Variants in LAMC3 observed in about 807,000 individuals in gnomAD.
The protein encoded by LAMC3 is laminin subunit gamma 3.
In LAMC3, 128 loss-of-function variants were observed where a neutral mutation model predicts 173.8. That is an observed-to-expected ratio of 0.74 (90% CI 0.64 to 0.85). LAMC3 has a LOEUF of 0.85. Ranked by LOEUF, LAMC3 falls within the 40% of genes least tolerant of loss-of-function variation. The pLI, the probability that LAMC3 is intolerant of heterozygous loss-of-function variation, is 0.00. For missense variants in LAMC3, 2,022 were observed against 2,156.0 expected, an observed-to-expected ratio of 0.94 and a Z score of 1.23; for synonymous variants, 897 against 909.1, an observed-to-expected ratio of 0.99 and a Z score of 0.24.
intron 25 of LAMC3, chr9:131,085,932 A>T (rs1830324853): frequency 1.6e-6 from 1 of 634,150 alleles, no homozygotes; most frequent in Non-Finnish European, 2.9e-6. Flanking sequence ...ACAGGTGAGA[A>T]TGCTGAGGTG....
chr9:131,085,397 T>G, intron 24 of LAMC3, 127 bp from the exon 25 acceptor site: 1 of 887,360 alleles, frequency 1.1e-6, no homozygotes. Flanking sequence ...GCACGTTGCA[T>G]GCACTTCAGA....
chr9:131,038,821 C>T (rs1289024116), intron 4 of LAMC3, 43 bp from the exon 5 acceptor site: 5 of 1,596,478 alleles, frequency 3.1e-6, no homozygotes, highest in Non-Finnish European at 4.3e-6. Flanking sequence ...CCTCCTACCA[C>T]ATCACAGGGG....
At chr9:131,077,148 A>C (rs1323511845) in intron 21 of LAMC3, 39 bp from the exon 22 acceptor site, 1 of 1,610,976 alleles carries the variant, frequency 6.2e-7, no homozygotes, top group Admixed American at 1.7e-5. Context: ...GGGGAGGGCT[A>C]GTTCTGCACC....
At chr9:131,089,970 GT>G (rs11351884) in intron 27 of LAMC3, among the ~76,000 whole-genome samples, 90,840 of 151,700 alleles carry the variant, frequency 0.6, 28,256 homozygotes, top group African/African-American at 0.77. Flanking sequence ...ATTTATTTTT[GT>G]TTTTTTGTAG....
intron 8 of LAMC3, among the ~76,000 whole-genome samples, chr9:131,048,390 T>A (rs1834216565): frequency 1.3e-5 from 2 of 152,064 alleles, no homozygotes; most frequent in Non-Finnish European, 2.9e-5. Context: ...TCTGCAAACT[T>A]CTCTTCATGT....
rs1834136562 is a variant in LAMC3 at position 131,045,434 on chromosome 9, ACT to A, written c.1383-86_1383-85del. The A allele has an allele frequency of 3.5e-6, 5 of 1,441,192 alleles. No individual in the cohort carries two copies. The African/African-American group carries it at 4.2e-5, about 12-fold the overall frequency. 89.3% of individuals were successfully genotyped at this position (1,441,192 alleles called of 1,614,324 possible). A position where few individuals can be genotyped will look rare whatever the true frequency, so the allele number is the denominator to read the frequency against. ...TTTTAAGTTTCTGCAGTGATTCTAG[ACT>A]CTCATTGGTCCAGCTGGGATACCCT... On this transcript the variant is annotated intron_variant, in intron 7 of 27. Transcript: ENST00000361069.
At chr9:131,014,622 T>G (rs1231789939) in intron 1 of LAMC3, among the ~76,000 whole-genome samples, 1 of 152,202 alleles carries the variant, frequency 6.6e-6, no homozygotes, top group Non-Finnish European at 1.5e-5. Flanking sequence ...AGCCTGCATT[T>G]GCCCACTGCA....
chr9:131,064,392 A>G (rs1395557259), intron 13 of LAMC3, among the ~76,000 whole-genome samples: 4 of 152,356 alleles, frequency 2.6e-5, no homozygotes, highest in African/African-American at 2.4e-5. Context: ...GGCCGGGCAC[A>G]GTGGCTCACG....
At chr9:131,076,241 C>T (rs1830123481) in intron 21 of LAMC3, among the ~76,000 whole-genome samples, 1 of 152,150 alleles carries the variant, frequency 6.6e-6, no homozygotes, top group East Asian at 1.9e-4. Flanking sequence ...AGATCCCTTG[C>T]TCTCCTTCTG....
In LAMC3 at chr9:131,087,544, G is replaced by A. The variant is rs985678555; in HGVS notation, c.4299G>A (p.Thr1433=). 6.8e-6 allele frequency: 11 copies of A among 1,613,844 alleles called. No individual in the cohort carries two copies. Among genetic ancestry groups the A allele is most frequent in the East Asian group, 2.2e-5 (1 of 44,890 alleles). ...GTGCCAGCAGGCTCACCAGCCAGAC[G>A]CAAGCCACGCTCCAACAGGCGTCCC... ...HRRASRLTSQ[T]QATLQQASQQ... Residue 1433 remains threonine (T), a synonymous_variant, in exon 26 of 28, where the codon ACG becomes ACA. Coordinates refer to ENST00000361069, the MANE Select transcript of LAMC3 (RefSeq NM_006059.4).
chr9:131,053,675 A>G (rs964853754), intron 11 of LAMC3, among the ~76,000 whole-genome samples: 1 of 152,200 alleles, frequency 6.6e-6, no homozygotes, highest in East Asian at 1.9e-4. Flanking sequence ...TCTACTAAAA[A>G]TACAAAAATT....
intron 24 of LAMC3, among the ~76,000 whole-genome samples, chr9:131,083,168 C>T (rs1263707096): frequency 6.6e-6 from 1 of 152,228 alleles, no homozygotes; most frequent in African/African-American, 2.4e-5. Context: ...AAATCTCACA[C>T]CTGGCAGTGG....
intron 1 of LAMC3, among the ~76,000 whole-genome samples, chr9:131,024,273 G>A (rs924066572): frequency 1.3e-5 from 2 of 151,248 alleles, no homozygotes; most frequent in African/African-American, 2.4e-5. Flanking sequence ...AGCCTCCCGA[G>A]TAGCTGGGAT....
chr9:131,079,377 G>C, intron 23 of LAMC3, 79 bp downstream of exon 23: 1 of 1,546,932 alleles, frequency 6.5e-7, no homozygotes, highest in South Asian at 1.2e-5. Context: ...CAGGGTTGCA[G>C]GAGGGAGAAG....
intron 14 of LAMC3, 22 bp downstream of exon 14, chr9:131,067,227 C>G (rs1829954993): frequency 6.2e-7 from 1 of 1,612,182 alleles, no homozygotes; most frequent in Non-Finnish European, 8.5e-7. Context: ...CCTCCAGACC[C>G]CAGGGTGGCA....
chr9:131,072,583 T>G, intron 18 of LAMC3, 47 bp from the exon 19 acceptor site: 4 of 1,531,886 alleles, frequency 2.6e-6, no homozygotes, highest in Non-Finnish European at 3.6e-6. Context: ...GGCTTTTGTG[T>G]GACATCTCCA....
intron 3 of LAMC3, among the ~76,000 whole-genome samples, chr9:131,034,721 G>A (rs58040086): frequency 0.52 from 79,268 of 152,162 alleles, 23,385 homozygotes; most frequent in Non-Finnish European, 0.66. Flanking sequence ...AGAAGCCATG[G>A]CCTCTGAGCA....
chr9:131,010,086 G>A (rs1833385087), intron 1 of LAMC3, among the ~76,000 whole-genome samples: 1 of 150,096 alleles, frequency 6.7e-6, no homozygotes, highest in African/African-American at 2.5e-5. Context: ...CCCGGGAGGT[G>A]GAGGTTGCCG....
rs769783100 is a variant in LAMC3 at position 131,052,512 on chromosome 9, G to A, written c.1652G>A (p.Arg551Gln). The change falls in exon 10 of 28, where the codon CGG becomes CAG. Residue 551 changes from arginine (R) to glutamine (Q), a missense_variant. By Grantham distance (43) the Arg-to-Gln change is conservative (BLOSUM62 1). Coordinates refer to ENST00000361069, the MANE Select transcript of LAMC3 (RefSeq NM_006059.4). ...TAPEKFLGDQ[R>Q]FSYGQPLILT... ...TCAGAGAAGTTCCTGGGAGACCAGC[G>A]GTTCAGCTATGGGCAGCCCCTCATA... The A allele has an allele frequency of 1.5e-5, 24 of 1,614,026 alleles. No homozygotes were observed. In the East Asian group the frequency reaches 4.0e-4, roughly 27 times the overall value.
Sources: gnomAD v4.1 joint callset for allele counts (sites outside exome capture counted in the v4.1 genomes callset) on GRCh38, gnomAD v4.1.1 for gene constraint, MANE v1.5 for transcripts, NCBI Gene and HGNC (gene_info 2026-07-23, HGNC 2026-07-21) for gene names.